Variants in PELO observed in about 807,000 individuals in gnomAD.
The protein encoded by PELO is protein pelota homolog.
PELO carries 19 observed loss-of-function variants against 25.9 expected under a neutral mutation model. That is an observed-to-expected ratio of 0.73 (90% CI 0.51 to 1.08). The LOEUF (loss-of-function observed/expected upper bound fraction) is 1.08, where lower values mean the gene tolerates loss of function less well. Among genes scored for constraint, PELO ranks in the 50% least tolerant of loss-of-function variants. PELO has a pLI of 0.00. For synonymous variants in PELO, 196 were observed against 192.2 expected (o/e 1.02, Z -0.16); for missense variants, 498 against 491.4 (o/e 1.01, Z -0.13).
chr5:52,788,542 G>A, intron 1 of PELO, 128 bp downstream of exon 1: 1 of 714,850 alleles, frequency 1.4e-6, no homozygotes, highest in Non-Finnish European at 2.1e-6. Context: ...GGCATTCCAG[G>A]TACTCAGGCC....
rs2111670800 is a variant in PELO at position 52,803,563 on chromosome 5, C to T, written c.*1723C>T. 1 of 152,324 alleles carries T rather than the reference C, an allele frequency of 6.6e-6. No homozygotes were observed. Among genetic ancestry groups the T allele is most frequent in the South Asian group, 2.1e-4 (1 of 4,830 alleles). The allele number at this position is 152,324 out of a possible 1,614,324, so 9.4% of individuals were successfully genotyped here. A position where few individuals can be genotyped will look rare whatever the true frequency, so the allele number is the denominator to read the frequency against. On this transcript the variant is annotated 3_prime_UTR_variant, in exon 3 of 3. Transcript: ENST00000274311. ...AAATTTAGCTACCTGTTCACCTCAA[C>T]TTGAGAGCTCTTAAAACCCTCAGTG... is the stretch of plus-strand genomic sequence containing the variant.
At chr5:52,799,353 T>C (rs1748406638) in intron 1 of PELO, among the ~76,000 whole-genome samples, 1 of 152,212 alleles carries the variant, frequency 6.6e-6, no homozygotes, top group Non-Finnish European at 1.5e-5. Flanking sequence ...GGCTTTTAGC[T>C]TAGCTTTGGC....
chr5:52,801,844 T>C lies in PELO; in HGVS notation c.*4T>C, dbSNP rs1445787954. 3.2e-6 allele frequency: 5 copies of C among 1,570,576 alleles called. No homozygotes were observed. The highest frequency in any genetic ancestry group is 1.4e-5 in the African/African-American group (1 of 73,682). On this transcript the variant is annotated 3_prime_UTR_variant, in exon 3 of 3. Coordinates refer to ENST00000274311, the MANE Select transcript of PELO (RefSeq NM_015946.5). The stretch of plus-strand genomic sequence containing the variant: ...TTCCAGTTCTGAAGAGGATTAATGA[T>C]TGAAACTTAAAATTGAGACAATCTT...
chr5:52,800,280 C>A lies in PELO; in HGVS notation c.-115C>A. The stretch of plus-strand genomic sequence containing the variant: ...TGTTTCCTTCCCGCCAGGCAAGTGC[C>A]CTTAGAAACCGGGCCCCGCCCCCTT... On this transcript the variant is annotated 5_prime_UTR_variant, in exon 2 of 3. Coordinates refer to ENST00000274311, the MANE Select transcript of PELO (RefSeq NM_015946.5). 1 of 1,110,052 alleles carries A rather than the reference C, an allele frequency of 9.0e-7. No homozygotes were observed. The highest frequency in any genetic ancestry group is 2.4e-5 in the East Asian group (1 of 41,480). The allele number at this position is 1,110,052 out of a possible 1,614,324, so 68.8% of individuals were successfully genotyped here. A position where few individuals can be genotyped will look rare whatever the true frequency, so the allele number is the denominator to read the frequency against.
chr5:52,800,769 C>T lies in PELO; in HGVS notation c.375C>T (p.Ile125=), dbSNP rs139161716. ...GGGATAGTGTGGTACTGGAGCGCAT[C>T]GAGCAGGCCTGTGACCCAGCCTGGA... ...KQWDSVVLER[I]EQACDPAWSA... Residue 125 remains isoleucine, a synonymous_variant, in exon 2 of 3, where the codon ATC becomes ATT. Coordinates refer to ENST00000274311, the MANE Select transcript of PELO (RefSeq NM_015946.5). 1.2e-6 allele frequency: 2 copies of T among 1,614,122 alleles called. No individual in the cohort carries two copies. The highest frequency in any genetic ancestry group is 4.5e-5 in the East Asian group (2 of 44,882).
At chr5:52,795,110 A>T (rs1171323870) in intron 1 of PELO, among the ~76,000 whole-genome samples, 1 of 151,974 alleles carries the variant, frequency 6.6e-6, no homozygotes, top group African/African-American at 2.4e-5. Context: ...TCAGTTACAG[A>T]CAAGTTAAAA....
chr5:52,793,087 T>C (rs1454680991), intron 1 of PELO, among the ~76,000 whole-genome samples: 1 of 152,100 alleles, frequency 6.6e-6, no homozygotes, highest in African/African-American at 2.4e-5. Flanking sequence ...TTCCAAGAGA[T>C]ACCCTGAAGT....
chr5:52,799,254 T>C (rs533829762), intron 1 of PELO, among the ~76,000 whole-genome samples: 4 of 152,334 alleles, frequency 2.6e-5, no homozygotes, highest in African/African-American at 9.6e-5. Flanking sequence ...TAAAGAATGC[T>C]AAGTAACTTA....
At chr5:52,790,817 A>G (rs1023433019) in intron 1 of PELO, among the ~76,000 whole-genome samples, 2 of 152,198 alleles carry the variant, frequency 1.3e-5, no homozygotes, top group East Asian at 1.9e-4. Flanking sequence ...TCTTTGGGAG[A>G]CCATTATTCT....
chr5:52,800,891 A>G lies in PELO; in HGVS notation c.497A>G (p.Asn166Ser). 6.2e-7 allele frequency: 1 copy of G among 1,613,314 alleles called. No homozygotes were observed. Among genetic ancestry groups the G allele is most frequent in the Non-Finnish European group, 8.5e-7 (1 of 1,179,436 alleles). The change falls in exon 2 of 3, where the codon AAC (asparagine) becomes AGC (serine). Residue 166 changes from asparagine to serine, a missense_variant. Asn to Ser is a conservative substitution (Grantham distance 46). Coordinates refer to ENST00000274311, the MANE Select transcript of PELO (RefSeq NM_015946.5). ...CTCACTCGGGCCAAGGTGGAGGTGA[A>G]CATCCCTAGGAAAAGGAAAGGCAAT... ...MTLTRAKVEV[N>S]IPRKRKGNCS... is the part of the protein sequence containing the mutation.
Position 52,801,653 on chromosome 5 carries a change from C to T in PELO, c.971C>T (p.Ala324Val), listed in dbSNP as rs776874829. ...SDELFRHQDV[A>V]TRSRYVRLVD... is the part of the protein sequence containing the mutation. ...GAGCTCTTCAGGCATCAGGATGTAG[C>T]CACACGGAGCCGGTATGTGAGGCTG... Residue 324 changes from alanine to valine, a missense_variant, in exon 3 of 3, where the codon GCC (alanine) becomes GTC (valine). Coordinates refer to ENST00000274311, the MANE Select transcript of PELO (RefSeq NM_015946.5). The T allele has an allele frequency of 6.2e-7, 1 of 1,614,114 alleles. No individual in the cohort carries two copies. Among genetic ancestry groups the T allele is most frequent in the South Asian group, 1.1e-5 (1 of 91,086 alleles).
At position 52,802,675 on chromosome 5, in the gene PELO, A is replaced by G. The variant is rs369037479; in HGVS notation, c.*835A>G. The stretch of plus-strand genomic sequence containing the variant: ...GGACTTTAGTTCTTTGCGCCAAAAC[A>G]TGCTATATTATTTATTTATTTTTTT... On this transcript the variant is annotated 3_prime_UTR_variant, in exon 3 of 3. Coordinates refer to ENST00000274311, the MANE Select transcript of PELO (RefSeq NM_015946.5). 2 of 152,168 alleles carry G rather than the reference A, an allele frequency of 1.3e-5. No individual in the cohort carries two copies. Among genetic ancestry groups the G allele is most frequent in the South Asian group, 2.1e-4 (1 of 4,826 alleles). 9.4% of individuals were successfully genotyped at this position (152,168 alleles called of 1,614,324 possible).
At chr5:52,788,441 TCTC>T in intron 1 of PELO, 27 bp downstream of exon 1, 1 of 1,486,266 alleles carries the variant, frequency 6.7e-7, no homozygotes, top group Non-Finnish European at 8.9e-7. Flanking sequence ...TCTCTGAGCA[TCTC>T]CTGCTCGCGG....
chr5:52,800,721 G>C lies in PELO; in HGVS notation c.327G>C (p.Gln109His), dbSNP rs1401372065. ...CCATCGAGCTGGAGCCCAACCGCCA[G>C]TTCACCCTGGCCAAGAAGCAGTGGG... is the stretch of plus-strand genomic sequence containing the variant. ...YHTIELEPNR[Q>H]FTLAKKQWDS... The change falls in exon 2 of 3, where the codon CAG becomes CAC. Residue 109 changes from glutamine (Q) to histidine (H), a missense_variant. Transcript: ENST00000274311. The C allele has an allele frequency of 6.2e-7, 1 of 1,614,238 alleles. No individual in the cohort carries two copies. Among genetic ancestry groups the C allele is most frequent in the Non-Finnish European group, 8.5e-7 (1 of 1,180,046 alleles).
At chr5:52,792,261 T>C (rs1580019505) in intron 1 of PELO, among the ~76,000 whole-genome samples, 1 of 152,190 alleles carries the variant, frequency 6.6e-6, no homozygotes, top group East Asian at 1.9e-4. Flanking sequence ...AGTGAGGAGA[T>C]GGGAGATGGC....
At chr5:52,790,401 A>G (rs760623757) in intron 1 of PELO, among the ~76,000 whole-genome samples, 8 of 152,196 alleles carry the variant, frequency 5.3e-5, no homozygotes, top group Non-Finnish European at 7.3e-5. Flanking sequence ...TCACCAGCTT[A>G]AAACAACATA....
At chr5:52,797,858 C>A (rs1193579527) in intron 1 of PELO, among the ~76,000 whole-genome samples, 1 of 152,190 alleles carries the variant, frequency 6.6e-6, no homozygotes, top group East Asian at 1.9e-4. Context: ...GATAAACATT[C>A]AATACGTGAT....
Position 52,800,827 on chromosome 5 carries a change from G to T in PELO, c.433G>T (p.Gly145Cys). 1 of 1,610,244 alleles carries T rather than the reference G, an allele frequency of 6.2e-7. No individual in the cohort carries two copies. The highest frequency in any genetic ancestry group is 8.5e-7 in the Non-Finnish European group (1 of 1,177,524). The change falls in exon 2 of 3, where the codon GGC (glycine) becomes TGC (cysteine). Residue 145 changes from glycine to cysteine, a missense_variant. Coordinates refer to ENST00000274311, the MANE Select transcript of PELO (RefSeq NM_015946.5). ...ADVAAVVMQEGLAHICLVTPS... is the reference protein window; with the variant it reads ...ADVAAVVMQECLAHICLVTPS... ...TGTGGCGGCTGTGGTCATGCAGGAAGGCCTCGCCCATATCTGCTTAGTCAC... is the reference window on the plus strand; with the variant it reads ...TGTGGCGGCTGTGGTCATGCAGGAATGCCTCGCCCATATCTGCTTAGTCAC...
chr5:52,796,121 TTCAATTCCC>T (rs1476956042), intron 1 of PELO, among the ~76,000 whole-genome samples: 4 of 151,992 alleles, frequency 2.6e-5, no homozygotes, highest in African/African-American at 9.7e-5. Context: ...AATTATTGAA[TTCAATTCCC>T]TCAATTCTTC....
Sources: gnomAD v4.1 joint callset for allele counts (sites outside exome capture counted in the v4.1 genomes callset) on GRCh38, gnomAD v4.1.1 for gene constraint, MANE v1.5 for transcripts, NCBI Gene and HGNC (gene_info 2026-07-23, HGNC 2026-07-21) for gene names.